Variants in KIAA1549 observed in about 807,000 individuals in gnomAD.
The protein encoded by KIAA1549 is KIAA1549.
In KIAA1549, 70 loss-of-function variants were observed where a neutral mutation model predicts 156.4. The observed-to-expected ratio is 0.45, with a 90% confidence interval of 0.37 to 0.55. The LOEUF is 0.55. Ranked by LOEUF, KIAA1549 falls within the 20% of genes least tolerant of loss-of-function variation. The pLI is 0.00. For synonymous variants in KIAA1549, 1,103 were observed against 1,066.4 expected, an observed-to-expected ratio of 1.03 and a Z score of -0.67; for missense variants, 2,428 against 2,540.9, an observed-to-expected ratio of 0.96 and a Z score of 0.96.
intron 10 of KIAA1549, among the ~76,000 whole-genome samples, chr7:138,892,757 TA>T (rs1291922720): frequency 6.6e-6 from 1 of 152,166 alleles, no homozygotes; most frequent in Non-Finnish European, 1.5e-5. Flanking sequence ...AAGTAATGCA[TA>T]TTTTTTTTCC....
chr7:138,861,498 T>A (rs775103199), intron 15 of KIAA1549, 42 bp from the exon 16 acceptor site: 5 of 1,504,824 alleles, frequency 3.3e-6, no homozygotes, highest in Non-Finnish European at 4.6e-6. Flanking sequence ...ACATGAGTTT[T>A]TGTGGCAACC....
intron 1 of KIAA1549, among the ~76,000 whole-genome samples, chr7:138,957,442 C>T (rs1321486244): frequency 8.0e-6 from 1 of 125,258 alleles, no homozygotes; most frequent in South Asian, 3.1e-4. Flanking sequence ...CCTCCCCCTC[C>T]CCCTCCCCCT....
chr7:138,852,365 T>A, intron 16 of KIAA1549, 96 bp from the exon 17 acceptor site: 1 of 774,440 alleles, frequency 1.3e-6, no homozygotes, highest in Non-Finnish European at 2.0e-6. Flanking sequence ...AGGATCAACT[T>A]TCAAGAGAAT....
chr7:138,882,979 C>T (rs959885301), intron 10 of KIAA1549, among the ~76,000 whole-genome samples: 2 of 150,676 alleles, frequency 1.3e-5, no homozygotes, highest in Non-Finnish European at 2.9e-5. Flanking sequence ...TGGCTGGGCA[C>T]GGTGGCTCAC....
intron 3 of KIAA1549, among the ~76,000 whole-genome samples, chr7:138,911,967 T>C (rs1392353459): frequency 8.5e-5 from 13 of 152,182 alleles, no homozygotes; most frequent in Admixed American, 8.5e-4. Flanking sequence ...AAGATTTGGA[T>C]CTCCATCTCT....
intron 1 of KIAA1549, among the ~76,000 whole-genome samples, chr7:138,945,829 G>C (rs1016870371): frequency 1.3e-4 from 20 of 152,122 alleles, no homozygotes; most frequent in African/African-American, 4.8e-4. Flanking sequence ...TGGAGGCTGA[G>C]ACAGGAGGAT....
chr7:138,848,818 G>T (rs1471649246), intron 17 of KIAA1549, among the ~76,000 whole-genome samples: 1 of 152,034 alleles, frequency 6.6e-6, no homozygotes, highest in African/African-American at 2.4e-5. Context: ...TTTGTTTGTG[G>T]GAAGAACTGT....
intron 16 of KIAA1549, 66 bp downstream of exon 16, chr7:138,861,073 C>T: frequency 6.5e-7 from 1 of 1,536,016 alleles, no homozygotes; most frequent in Middle Eastern, 2.1e-4. Flanking sequence ...GCCTGAAAGT[C>T]AGGCAGTCAG....
intron 5 of KIAA1549, among the ~76,000 whole-genome samples, chr7:138,907,949 A>T (rs1207118715): frequency 6.6e-6 from 1 of 152,138 alleles, no homozygotes; most frequent in East Asian, 1.9e-4. Flanking sequence ...TGCTGGAAGG[A>T]GGGTGTTCCC....
At chr7:138,870,484 C>G (rs1411313694) in intron 13 of KIAA1549, among the ~76,000 whole-genome samples, 3 of 152,166 alleles carry the variant, frequency 2.0e-5, no homozygotes, top group African/African-American at 4.8e-5. Context: ...AGGATAATTA[C>G]CTAGTGTCAC....
chr7:138,923,993 A>AT (rs1193358213), intron 1 of KIAA1549, among the ~76,000 whole-genome samples: 4 of 152,184 alleles, frequency 2.6e-5, no homozygotes, highest in Non-Finnish European at 4.4e-5. Flanking sequence ...TAATACAAAG[A>AT]TTTTTTAATC....
At chr7:138,978,445 T>A (rs990900579) in intron 1 of KIAA1549, among the ~76,000 whole-genome samples, 1 of 152,174 alleles carries the variant, frequency 6.6e-6, no homozygotes, top group Non-Finnish European at 1.5e-5. Context: ...ACAAGTTGTT[T>A]CCACAACAGT....
intron 17 of KIAA1549, among the ~76,000 whole-genome samples, chr7:138,847,103 C>T (rs1234211133): frequency 1.3e-5 from 2 of 152,206 alleles, no homozygotes; most frequent in Non-Finnish European, 2.9e-5. Flanking sequence ...TAGCTCTTGC[C>T]ATTCACTTAA....
chr7:138,971,965 C>T (rs1286623778), intron 1 of KIAA1549, among the ~76,000 whole-genome samples: 3 of 152,162 alleles, frequency 2.0e-5, no homozygotes, highest in African/African-American at 7.2e-5. Context: ...TCCTAGCAGG[C>T]CCTTCCTGCT....
intron 1 of KIAA1549, among the ~76,000 whole-genome samples, chr7:138,950,817 C>T (rs561587395): frequency 5.9e-4 from 90 of 152,242 alleles, no homozygotes; most frequent in Non-Finnish European, 1.1e-3. Flanking sequence ...TCATCAGATG[C>T]TCTCTCTACC....
At chr7:138,962,562 G>A (rs1392850320) in intron 1 of KIAA1549, among the ~76,000 whole-genome samples, 1 of 152,164 alleles carries the variant, frequency 6.6e-6, no homozygotes, top group East Asian at 1.9e-4. Flanking sequence ...ACTATAAGAA[G>A]TCCAAGCTGG....
chr7:138,919,483 C>T (rs1812488171), intron 1 of KIAA1549, 45 bp from the exon 2 acceptor site: 3 of 1,573,024 alleles, frequency 1.9e-6, no homozygotes, highest in Non-Finnish European at 2.6e-6. Context: ...CATTGGAAGT[C>T]ACACAGCTAA....
intron 1 of KIAA1549, among the ~76,000 whole-genome samples, chr7:138,966,358 A>C (rs1814024320): frequency 6.6e-6 from 1 of 152,140 alleles, no homozygotes; most frequent in Non-Finnish European, 1.5e-5. Flanking sequence ...TGTATTAGTC[A>C]GGGTTCTCTA....
At chr7:138,889,238 C>A (rs1197278877) in intron 10 of KIAA1549, among the ~76,000 whole-genome samples, 1 of 152,140 alleles carries the variant, frequency 6.6e-6, no homozygotes, top group African/African-American at 2.4e-5. Context: ...AAGTCAACAA[C>A]GTAAAAATAC....
Sources: gnomAD v4.1 joint callset for allele counts (sites outside exome capture counted in the v4.1 genomes callset) on GRCh38, gnomAD v4.1.1 for gene constraint, MANE v1.5 for transcripts, NCBI Gene and HGNC (gene_info 2026-07-23, HGNC 2026-07-21) for gene names.